The following SRGAP3 variants were observed in gnomAD, a reference collection of about 807,000 sequenced individuals.
SRGAP3 encodes SLIT-ROBO Rho GTPase-activating protein 3.
SRGAP3 carries 39 observed loss-of-function variants against 121.1 expected under a neutral mutation model. The observed-to-expected ratio is 0.32, with a 90% confidence interval of 0.25 to 0.42. The LOEUF (loss-of-function observed/expected upper bound fraction) is 0.42, where lower values mean the gene tolerates loss of function less well. Ranked by LOEUF, SRGAP3 falls within the 10% of genes least tolerant of loss-of-function variation. SRGAP3 has a pLI of 1.00. For missense variants in SRGAP3, 1,213 were observed against 1,470.6 expected, an observed-to-expected ratio of 0.82 and a Z score of 2.86; for synonymous variants, 601 against 570.0, an observed-to-expected ratio of 1.05 and a Z score of -0.77.
At chr3:9,279,442 C>T (rs1954639313) in intron 3 of SRGAP3, among the ~76,000 whole-genome samples, 2 of 151,910 alleles carry the variant, frequency 1.3e-5, no homozygotes, top group Non-Finnish European at 2.9e-5. Flanking sequence ...GGAGACAGGG[C>T]TCTCTGTCTG....
At chr3:9,014,201 G>A (rs6799113) in intron 15 of SRGAP3, 2 of 360,036 alleles carry the variant, frequency 5.6e-6, no homozygotes, top group African/African-American at 2.1e-5. Context: ...AGAGCCGGAC[G>A]GGGCATATAT....
At chr3:8,988,021 C>T (rs1429995623) in intron 21 of SRGAP3, among the ~76,000 whole-genome samples, 1 of 152,122 alleles carries the variant, frequency 6.6e-6, no homozygotes, top group Non-Finnish European at 1.5e-5. Context: ...TCCCCACCCG[C>T]CCCACCACTC....
intron 7 of SRGAP3, among the ~76,000 whole-genome samples, chr3:9,056,758 G>A (rs1304753762): frequency 1.3e-5 from 2 of 152,232 alleles, no homozygotes; most frequent in African/African-American, 4.8e-5. Context: ...TTGTGCCGCA[G>A]AATGACACTG....
chr3:8,991,168 G>C (rs903362762), intron 20 of SRGAP3, among the ~76,000 whole-genome samples: 1 of 152,192 alleles, frequency 6.6e-6, no homozygotes, highest in African/African-American at 2.4e-5. Context: ...AAACGCTTTG[G>C]TGATGGTTAG....
chr3:9,314,056 T>G (rs945857637), intron 3 of SRGAP3, among the ~76,000 whole-genome samples: 1 of 152,226 alleles, frequency 6.6e-6, no homozygotes, highest in Non-Finnish European at 1.5e-5. Context: ...TATTAGAACA[T>G]AACTCCTTCA....
At chr3:9,120,210 T>C (rs534003469) in intron 2 of SRGAP3, among the ~76,000 whole-genome samples, 2 of 152,280 alleles carry the variant, frequency 1.3e-5, no homozygotes, top group Non-Finnish European at 2.9e-5. Flanking sequence ...TCAATAAATA[T>C]TGGTGGAATA....
chr3:9,103,864 C>T (rs571875165), intron 3 of SRGAP3, among the ~76,000 whole-genome samples: 1 of 152,310 alleles, frequency 6.6e-6, no homozygotes, highest in African/African-American at 2.4e-5. Context: ...CCACACTCAG[C>T]TTCTGGATGT....
chr3:9,277,979 T>C (rs1475706772), intron 3 of SRGAP3, among the ~76,000 whole-genome samples: 2 of 152,136 alleles, frequency 1.3e-5, no homozygotes, highest in Non-Finnish European at 2.9e-5. Context: ...TTCCACCATG[T>C]GAGGACACAG....
At chr3:9,179,851 C>T (rs1951316323) in intron 1 of SRGAP3, among the ~76,000 whole-genome samples, 1 of 152,264 alleles carries the variant, frequency 6.6e-6, no homozygotes, top group South Asian at 2.1e-4. Flanking sequence ...CACATAGCTA[C>T]CAAGTGGGAG....
chr3:9,224,461 C>T (rs1317746152), intron 1 of SRGAP3, among the ~76,000 whole-genome samples: 2 of 152,172 alleles, frequency 1.3e-5, no homozygotes, highest in African/African-American at 4.8e-5. Flanking sequence ...CATCTTCTCC[C>T]CCCATGCAGA....
chr3:8,992,889 G>A lies in SRGAP3; in HGVS notation c.2558+17C>T. ...GGATTGACACCAGCAGGGAAAAAAT[G>A]AATCCGCATATCCTACCGGCCCATC... is the stretch of plus-strand genomic sequence containing the variant. On this transcript the variant is annotated intron_variant, in intron 20 of 21. Coordinates refer to ENST00000383836, the MANE Select transcript of SRGAP3 (RefSeq NM_014850.4). 1.2e-6 allele frequency: 2 copies of A among 1,614,110 alleles called. No homozygotes were observed. The highest frequency in any genetic ancestry group is 1.7e-6 in the Non-Finnish European group (2 of 1,180,026).
intron 8 of SRGAP3, 100 bp downstream of exon 8, chr3:9,056,133 G>T: frequency 9.7e-7 from 1 of 1,028,530 alleles, no homozygotes; most frequent in Non-Finnish European, 1.5e-6. Context: ...CTTATAAGTG[G>T]AACTATCATT....
At chr3:9,284,314 T>C (rs987996111) in intron 3 of SRGAP3, among the ~76,000 whole-genome samples, 1 of 152,234 alleles carries the variant, frequency 6.6e-6, no homozygotes, top group African/African-American at 2.4e-5. Context: ...ATTTAATAAA[T>C]TAATAATGTG....
chr3:9,008,783 C>T (rs1224050371), intron 18 of SRGAP3, among the ~76,000 whole-genome samples: 2 of 152,150 alleles, frequency 1.3e-5, no homozygotes, highest in African/African-American at 4.8e-5. Context: ...GGGTCTGACC[C>T]ATTAGCTCCC....
chr3:9,325,038 C>T (rs1368105843), intron 3 of SRGAP3, among the ~76,000 whole-genome samples: 1 of 151,802 alleles, frequency 6.6e-6, no homozygotes, highest in Non-Finnish European at 1.5e-5. Context: ...TAGCACCACT[C>T]TCAGTTACCG....
chr3:9,334,829 GC>G (rs1955665671), intron 1 of SRGAP3, among the ~76,000 whole-genome samples: 1 of 152,194 alleles, frequency 6.6e-6, no homozygotes. Context: ...ATGTCCCTTA[GC>G]CCTCTGGTTC....
At chr3:9,205,644 A>AT (rs1197206063) in intron 1 of SRGAP3, among the ~76,000 whole-genome samples, 1 of 152,250 alleles carries the variant, frequency 6.6e-6, no homozygotes, top group African/African-American at 2.4e-5. Context: ...GCAAACCAGG[A>AT]TAAAAACTAT....
intron 14 of SRGAP3, among the ~76,000 whole-genome samples, chr3:9,024,384 G>C (rs1169861657): frequency 2.0e-5 from 3 of 152,326 alleles, no homozygotes; most frequent in Admixed American, 6.5e-5. Context: ...TCTAGAATCA[G>C]GGAGCAGGAT....
chr3:9,349,395 C>T (rs1235678699), intron 1 of SRGAP3, among the ~76,000 whole-genome samples: 1 of 152,230 alleles, frequency 6.6e-6, no homozygotes. Context: ...GTCAGAACAG[C>T]ACTTCTAGGG....
Sources: allele counts gnomAD v4.1 joint callset (sites outside exome capture counted in the v4.1 genomes callset), GRCh38; gene constraint gnomAD v4.1.1; transcripts MANE v1.5; gene names NCBI Gene and HGNC (gene_info 2026-07-23, HGNC 2026-07-21).